The following VPS13A variants were observed in gnomAD, a reference collection of about 807,000 sequenced individuals.
VPS13A encodes the protein intermembrane lipid transfer protein VPS13A.
A neutral mutation model predicts 390.9 loss-of-function variants in VPS13A; 264 were observed. That is an observed-to-expected ratio of 0.68 (90% CI 0.61 to 0.75). The LOEUF is 0.75. VPS13A is among the 30% of genes least tolerant of loss of function. The pLI is 0.00. For synonymous variants in VPS13A, 1,231 were observed against 1,227.1 expected (o/e 1.00, Z -0.07); for missense variants, 3,409 against 3,733.9 (o/e 0.91, Z 2.27).
chr9:77,406,143 G>GA (rs11325886), intron 70 of VPS13A, among the ~76,000 whole-genome samples, 156 bp downstream of exon 70: 298 of 139,570 alleles, frequency 2.1e-3, no homozygotes, highest in African/African-American at 3.0e-3. Flanking sequence ...AGGCTTAAAG[G>GA]AAAAAAAAAA....
chr9:77,179,429 A>G (rs10869905), intron 1 of VPS13A, among the ~76,000 whole-genome samples: 49,031 of 151,970 alleles, frequency 0.32, 8,310 homozygotes, highest in East Asian at 0.43. Context: ...GGGTTTTGCA[A>G]TGTTGGCCAG....
At chr9:77,343,819 A>G (rs962562590) in intron 50 of VPS13A, among the ~76,000 whole-genome samples, 1 of 152,188 alleles carries the variant, frequency 6.6e-6, no homozygotes, top group Non-Finnish European at 1.5e-5. Context: ...AAGCCTGATC[A>G]TCTGTGTCCC....
intron 5 of VPS13A, among the ~76,000 whole-genome samples, chr9:77,207,294 CAT>C (rs1013550431): frequency 7.5e-5 from 9 of 119,770 alleles, no homozygotes; most frequent in Admixed American, 4.0e-4. Flanking sequence ...TTATCTATAA[CAT>C]AACATATTTT....
At chr9:77,340,577 C>T in intron 50 of VPS13A, 27 bp downstream of exon 50, 4 of 1,610,916 alleles carry the variant, frequency 2.5e-6, no homozygotes, top group Non-Finnish European at 3.4e-6. Context: ...CAAAAATATA[C>T]CTCTTTGGAT....
chr9:77,224,328 CT>C (rs1417413792), intron 13 of VPS13A, among the ~76,000 whole-genome samples: 5 of 152,046 alleles, frequency 3.3e-5, no homozygotes, highest in Non-Finnish European at 7.4e-5. Flanking sequence ...TGATAGCTGC[CT>C]TATGAAGTAG....
intron 10 of VPS13A, 91 bp from the exon 11 acceptor site, chr9:77,219,863 A>G: frequency 1.5e-6 from 2 of 1,367,252 alleles, no homozygotes; most frequent in South Asian, 2.4e-5. Context: ...TATAAAATAA[A>G]TGGAAATCAG....
chr9:77,356,623 G>T (rs1468086475), intron 54 of VPS13A, 91 bp from the exon 55 acceptor site: 12 of 1,391,020 alleles, frequency 8.6e-6, no homozygotes, highest in Non-Finnish European at 1.2e-5. Flanking sequence ...TGAAATTTTA[G>T]TGAAGGTATT....
chr9:77,375,040 T>C (rs898611845), intron 67 of VPS13A, among the ~76,000 whole-genome samples: 1 of 152,154 alleles, frequency 6.6e-6, no homozygotes, highest in Non-Finnish European at 1.5e-5. Flanking sequence ...CTCCTCTACC[T>C]GTAACTTTAA....
chr9:77,210,623 A>T lies in VPS13A; in HGVS notation c.503A>T (p.Asn168Ile), dbSNP rs1242893622. 3.7e-6 allele frequency: 6 copies of T among 1,613,774 alleles called. No homozygotes were observed. The highest frequency in any genetic ancestry group is 4.2e-6 in the Non-Finnish European group (5 of 1,179,950). The part of the protein sequence containing the change: ...IHIRYEDDIT[N>I]RDKPLSFGIS... ...ACTTTCTTTCCTCTTTAGATCACAA[A>T]TCGGGACAAACCGCTGTCATTTGGT... The change falls in exon 7 of 72, where the codon AAT becomes ATT. Residue 168 changes from asparagine to isoleucine, a missense_variant. Asn to Ile is a moderately radical substitution (Grantham distance 149, BLOSUM62 -3). Transcript: ENST00000360280.
intron 13 of VPS13A, among the ~76,000 whole-genome samples, chr9:77,222,802 C>T (rs1823297694): frequency 1.3e-5 from 2 of 152,182 alleles, no homozygotes. Flanking sequence ...TAGACTAAAG[C>T]TGCCTCCTTA....
In VPS13A at chr9:77,416,216, C is replaced by CAGCAATTACCCGGTTTTCTAAATTGAAT; in HGVS notation, c.*211_*238dup. 2.0e-6 allele frequency: 1 copy of CAGCAATTACCCGGTTTTCTAAATTGAAT among 512,320 alleles called. No homozygotes were observed. The highest frequency in any genetic ancestry group is 3.5e-6 in the Non-Finnish European group (1 of 283,910). 31.7% of individuals were successfully genotyped at this position (512,320 alleles called of 1,614,324 possible). A position where few individuals can be genotyped will look rare whatever the true frequency, so the allele number is the denominator to read the frequency against. ...ATGTGATTAAAATATTTTAATTCTT[C>CAGCAATTACCCGGTTTTCTAAATTGAAT]AGCAATTACCCGGTTTTCTAAATTG... On this transcript the variant is annotated 3_prime_UTR_variant, in exon 72 of 72. Coordinates refer to ENST00000360280, the MANE Select transcript of VPS13A (RefSeq NM_033305.3).
chr9:77,253,713 G>A (rs1296940410), intron 22 of VPS13A, among the ~76,000 whole-genome samples: 3 of 151,964 alleles, frequency 2.0e-5, no homozygotes, highest in African/African-American at 7.2e-5. Context: ...GTTGATTGTG[G>A]CCTTTGATGT....
rs1449705603 is a variant in VPS13A, at chr9:77,313,982, T to G, written c.4115-10T>G. 6.2e-7 allele frequency: 1 copy of G among 1,609,636 alleles called. No individual in the cohort carries two copies. The highest frequency in any genetic ancestry group is 8.5e-7 in the Non-Finnish European group (1 of 1,177,606). On this transcript the variant is annotated splice_polypyrimidine_tract_variant and intron_variant, in intron 35 of 71. Coordinates refer to ENST00000360280, the MANE Select transcript of VPS13A (RefSeq NM_033305.3). ...ATTTTCTTTTATTAAATAACTTTAATTTTTTCAAGGAGCAACTGTGGTGAC... is the reference window on the plus strand; with the variant it reads ...ATTTTCTTTTATTAAATAACTTTAAGTTTTTCAAGGAGCAACTGTGGTGAC...
chr9:77,213,746 C>G (rs1389087422), intron 9 of VPS13A, among the ~76,000 whole-genome samples: 2 of 152,052 alleles, frequency 1.3e-5, no homozygotes, highest in Non-Finnish European at 2.9e-5. Flanking sequence ...TCAAGCAATC[C>G]TCCCAACTCA....
In VPS13A at chr9:77,357,876, A is replaced by G. The variant is rs765856535; in HGVS notation, c.7953+38A>G. ...GAAAATATAGGCAAAATTGTATTCT[A>G]AAGGAATGCAATAAGAAACCAGATC... is the stretch of plus-strand genomic sequence containing the variant. On this transcript the variant is annotated intron_variant, in intron 56 of 71. Coordinates refer to ENST00000360280, the MANE Select transcript of VPS13A (RefSeq NM_033305.3). 2.5e-6 allele frequency: 4 copies of G among 1,575,664 alleles called. No homozygotes were observed. The South Asian group carries it at 4.4e-5, about 17-fold the overall frequency.
chr9:77,252,546 G>A (rs1282064020), intron 22 of VPS13A, among the ~76,000 whole-genome samples, 194 bp downstream of exon 22: 1 of 152,008 alleles, frequency 6.6e-6, no homozygotes, highest in African/African-American at 2.4e-5. Context: ...TTGTCATTAG[G>A]TTCACGCATG....
At position 77,421,238 on chromosome 9, in the gene VPS13A, TTTCTG is replaced by T. The variant is rs1835329709; in HGVS notation, c.*5236_*5240del. 6.6e-6 allele frequency: 1 copy of T among 152,238 alleles called. No homozygotes were observed. The highest frequency in any genetic ancestry group is 1.5e-5 in the Non-Finnish European group (1 of 68,040). 9.4% of individuals were successfully genotyped at this position (152,238 alleles called of 1,614,324 possible). Reference sequence around the variant, plus strand: ...GCATCGCTGCAGGATTTCCTACACTTTTCTGTTCCTCATCCCTCTTTTATGTGTGC... The same window carrying T: ...GCATCGCTGCAGGATTTCCTACACTTTTCCTCATCCCTCTTTTATGTGTGC... On this transcript the variant is annotated 3_prime_UTR_variant, in exon 72 of 72. Coordinates refer to ENST00000360280, the MANE Select transcript of VPS13A (RefSeq NM_033305.3).
intron 35 of VPS13A, among the ~76,000 whole-genome samples, chr9:77,309,217 C>T (rs1182083942): frequency 6.6e-6 from 1 of 152,132 alleles, no homozygotes; most frequent in Non-Finnish European, 1.5e-5. Flanking sequence ...GAAACAAAAA[C>T]ACTGAACATG....
At chr9:77,234,239 A>G (rs943612556) in intron 17 of VPS13A, among the ~76,000 whole-genome samples, 2 of 152,102 alleles carry the variant, frequency 1.3e-5, no homozygotes, top group Admixed American at 1.3e-4. Context: ...GCAGTGGTGT[A>G]GTTATAGCCT....
Sources: allele counts gnomAD v4.1 joint callset (sites outside exome capture counted in the v4.1 genomes callset), GRCh38; gene constraint gnomAD v4.1.1; transcripts MANE v1.5; gene names NCBI Gene and HGNC (gene_info 2026-07-23, HGNC 2026-07-21).